DAB1: variants seen among roughly 807,000 people sequenced by gnomAD.
DAB1 encodes disabled homolog 1.
DAB1 carries 15 observed loss-of-function variants against 64.6 expected under a neutral mutation model. The ratio of observed to expected loss-of-function variants is 0.23; its 90% CI spans 0.16 to 0.36. The LOEUF (loss-of-function observed/expected upper bound fraction) is 0.36. Ranked by LOEUF, DAB1 falls within the 10% of genes least tolerant of loss-of-function variation. The pLI, the probability that DAB1 is intolerant of heterozygous loss-of-function variation, is 1.00. For synonymous variants in DAB1, 235 were observed against 251.9 expected (o/e 0.93, Z 0.64); for missense variants, 596 against 706.7 (o/e 0.84, Z 1.78).
intron 1 of DAB1, among the ~76,000 whole-genome samples, chr1:57,406,157 C>A (rs1435621594): frequency 1.3e-5 from 2 of 152,212 alleles, no homozygotes; most frequent in Non-Finnish European, 2.9e-5. Context: ...GACAGACTAG[C>A]CCATGAGGGC....
chr1:57,665,797 GT>G, intron 6 of DAB1, among the ~76,000 whole-genome samples: 2 of 146,512 alleles, frequency 1.4e-5, no homozygotes, highest in East Asian at 2.0e-4. Flanking sequence ...TACATGTGTT[GT>G]TTTTGGGTTA....
rs188720033 is a variant in DAB1, at chr1:58,545,764, C to T, written n.32+939G>A. 4.4e-4 allele frequency among the ~76,000 whole-genome samples: 67 copies of T among 152,318 alleles called. 2 individuals carry two copies. Among genetic ancestry groups the T allele is most frequent in the Non-Finnish European group, 1.2e-4 (8 of 68,026 alleles). ...CAACTCTTGCTGAAAATGACTATTT[C>T]TTCTCTAGTTTCTATGGAAACAGCT... On this transcript the variant is annotated intron_variant and non_coding_transcript_variant, in intron 1 of 20. Transcript: ENST00000485760.
intron 5 of DAB1, among the ~76,000 whole-genome samples, chr1:58,148,275 C>A (rs1654723459): frequency 6.6e-6 from 1 of 152,196 alleles, no homozygotes. Flanking sequence ...GTCTTCCACT[C>A]TCTCACCCCT....
chr1:57,405,374 G>A (rs1432774193), intron 1 of DAB1, among the ~76,000 whole-genome samples: 4 of 152,142 alleles, frequency 2.6e-5, no homozygotes, highest in African/African-American at 9.7e-5. Flanking sequence ...TTCCTTTACC[G>A]GAAATGGTCC....
intron 5 of DAB1, among the ~76,000 whole-genome samples, chr1:58,031,516 CT>C (rs1646969614): frequency 6.6e-6 from 1 of 152,166 alleles, no homozygotes; most frequent in South Asian, 2.1e-4. Context: ...GGAAACTCAG[CT>C]CTTAGTTTCT....
At chr1:57,605,859 A>G (rs1329486801) in intron 7 of DAB1, 1 of 595,778 alleles carries the variant, frequency 1.7e-6, no homozygotes. Context: ...AAGCATCTGC[A>G]ACGGTGACTT....
rs865991462 is a variant in DAB1, at chr1:57,949,515, G to A, written n.388-65353C>T. Among the ~76,000 whole-genome samples the A allele has an allele frequency of 7.0e-3, 970 of 137,808 alleles. 4 individuals carry two copies. The highest frequency in any genetic ancestry group is 0.011 in the African/African-American group (386 of 34,834). 90.4% of individuals were successfully genotyped at this position (137,808 alleles called of 152,430 possible). Reference sequence around the variant, plus strand: ...TCTATCTATCTATCTATCTATATCTGTCTGTCTGTCTGTCTGTCTATCTAT... The same window carrying A: ...TCTATCTATCTATCTATCTATATCTATCTGTCTGTCTGTCTGTCTATCTAT... On this transcript the variant is annotated intron_variant and non_coding_transcript_variant, in intron 5 of 20. Coordinates refer to the DAB1 transcript ENST00000485760.
At chr1:57,991,967 G>C (rs944080605) in intron 5 of DAB1, among the ~76,000 whole-genome samples, 1 of 151,840 alleles carries the variant, frequency 6.6e-6, no homozygotes, top group Non-Finnish European at 1.5e-5. Context: ...ATTCCAGGTA[G>C]AGACCTGCAC....
chr1:57,660,060 T>A (rs1255918954), intron 6 of DAB1, among the ~76,000 whole-genome samples: 1 of 151,730 alleles, frequency 6.6e-6, no homozygotes, highest in African/African-American at 2.4e-5. Flanking sequence ...GCTTAGTTAA[T>A]AAAGAACACA....
intron 2 of DAB1, among the ~76,000 whole-genome samples, chr1:57,212,765 C>T (rs146658927): frequency 2.3e-3 from 346 of 152,278 alleles, no homozygotes; most frequent in Non-Finnish European, 2.6e-3. Context: ...ATTGTTACCT[C>T]ATTTTAAACC....
chr1:57,162,321 C>T (rs1466507743), intron 2 of DAB1, among the ~76,000 whole-genome samples: 1 of 152,148 alleles, frequency 6.6e-6, no homozygotes, highest in African/African-American at 2.4e-5. Flanking sequence ...CAAAAGAATG[C>T]CCGTAAGCTC....
At chr1:58,489,663 C>T (rs1458585718) in intron 3 of DAB1, among the ~76,000 whole-genome samples, 1 of 152,180 alleles carries the variant, frequency 6.6e-6, no homozygotes, top group Non-Finnish European at 1.5e-5. Flanking sequence ...GTCCCTGACC[C>T]CTGAGTAGCC....
intron 6 of DAB1, among the ~76,000 whole-genome samples, chr1:57,774,174 A>C (rs2101834001): frequency 6.6e-6 from 1 of 151,990 alleles, no homozygotes; most frequent in African/African-American, 2.4e-5. Context: ...AAATTTCAGC[A>C]ATATTTTGTG....
intron 2 of DAB1, among the ~76,000 whole-genome samples, chr1:57,222,231 T>C (rs79584312): frequency 0.015 from 2,343 of 152,336 alleles, 35 homozygotes; most frequent in South Asian, 0.024. Flanking sequence ...TTAGTCTTTC[T>C]TTCCTTTTTC....
At chr1:57,251,970 A>G (rs524171) in intron 2 of DAB1, among the ~76,000 whole-genome samples, 99,189 of 152,146 alleles carry the variant, frequency 0.65, 32,737 homozygotes, top group African/African-American at 0.74. Context: ...TGATGCATAC[A>G]TCATGGGGCA....
At chr1:58,234,586 C>T (rs1295313700) in intron 4 of DAB1, among the ~76,000 whole-genome samples, 2 of 152,126 alleles carry the variant, frequency 1.3e-5, no homozygotes, top group African/African-American at 2.4e-5. Context: ...ATCTATTCCC[C>T]TAGGAATGCT....
chr1:57,612,680 G>C (rs1310089643), intron 7 of DAB1, among the ~76,000 whole-genome samples: 1 of 152,138 alleles, frequency 6.6e-6, no homozygotes, highest in Non-Finnish European at 1.5e-5. Context: ...CAGTGAAATG[G>C]ATTTCTGACT....
chr1:58,277,365 C>T lies in DAB1; in HGVS notation n.309+65987G>A, dbSNP rs555786998. On this transcript the variant is annotated intron_variant and non_coding_transcript_variant, in intron 4 of 20. Coordinates refer to the DAB1 transcript ENST00000485760. ...GATGCAAAGACTTTTAAAGCCTGTT[C>T]CTGGCACTTAAGCTTTCTCTGGGGC... Among the ~76,000 whole-genome samples the T allele has an allele frequency of 1.1e-4, 17 of 152,216 alleles. No homozygotes were observed. The South Asian group carries it at 3.5e-3, about 32-fold the overall frequency.
intron 7 of DAB1, among the ~76,000 whole-genome samples, chr1:57,544,117 A>T (rs1461413201): frequency 1.3e-5 from 2 of 152,212 alleles, no homozygotes; most frequent in African/African-American, 4.8e-5. Flanking sequence ...CATCTCTAAA[A>T]ATAAAATAAA....
Sources: gnomAD v4.1 joint callset for allele counts (sites outside exome capture counted in the v4.1 genomes callset) on GRCh38, gnomAD v4.1.1 for gene constraint, MANE v1.5 for transcripts, NCBI Gene and HGNC (gene_info 2026-07-23, HGNC 2026-07-21) for gene names.